Variants in CCDC149 observed in about 807,000 individuals in gnomAD.
CCDC149 encodes coiled-coil domain-containing protein 149.
Under a neutral mutation model 59.9 loss-of-function variants are expected in CCDC149, and 45 were observed. The ratio of observed to expected loss-of-function variants is 0.75; its 90% CI spans 0.59 to 0.96. CCDC149 has a LOEUF of 0.96. Among genes scored for constraint, CCDC149 ranks in the 40% least tolerant of loss-of-function variants. The pLI is 0.00. For missense variants in CCDC149, 584 were observed against 664.7 expected (o/e 0.88, Z 1.33); for synonymous variants, 245 against 260.6 (o/e 0.94, Z 0.58).
At chr4:24,972,973 G>A (rs1013662501) in intron 1 of CCDC149, among the ~76,000 whole-genome samples, 1 of 152,242 alleles carries the variant, frequency 6.6e-6, no homozygotes, top group Admixed American at 6.5e-5. Flanking sequence ...CTGTAAGGGT[G>A]GGCACCCATG....
upstream of CCDC149, among the ~76,000 whole-genome samples, chr4:24,917,718 C>G (rs912558331): frequency 6.6e-6 from 1 of 152,040 alleles, no homozygotes; most frequent in Admixed American, 6.5e-5. Context: ...CGAGATGCAG[C>G]CCACGGAAGG....
intron 1 of CCDC149, among the ~76,000 whole-genome samples, chr4:24,953,681 A>G (rs566956826): frequency 2.6e-5 from 4 of 152,330 alleles, no homozygotes; most frequent in Admixed American, 1.3e-4. Context: ...AGGAAAAAAT[A>G]ATAATCAGCA....
intron 1 of CCDC149, among the ~76,000 whole-genome samples, chr4:24,906,364 A>AATTTTATTGTATTTTTTTATTTT (rs1553859580): frequency 2.4e-5 from 1 of 42,028 alleles, no homozygotes; most frequent in Non-Finnish European, 4.8e-5. Context: ...CAGCGGAACA[A>AATTTTATTGTATTTTTTTATTTT]ATTTTATTTT....
At chr4:24,939,633 G>A (rs1722895174) in intron 1 of CCDC149, among the ~76,000 whole-genome samples, 1 of 152,046 alleles carries the variant, frequency 6.6e-6, no homozygotes. Flanking sequence ...TGGCAAAGAA[G>A]TTAAAAACGT....
At chr4:24,844,303 A>G (rs548348468) in intron 4 of CCDC149, among the ~76,000 whole-genome samples, 1 of 152,212 alleles carries the variant, frequency 6.6e-6, no homozygotes, top group South Asian at 2.1e-4. Context: ...TCTTAGATCT[A>G]TTAAATAGGA....
At chr4:24,956,583 G>A (rs548714004) in intron 1 of CCDC149, among the ~76,000 whole-genome samples, 6 of 152,046 alleles carry the variant, frequency 3.9e-5, no homozygotes, top group Non-Finnish European at 7.4e-5. Flanking sequence ...TAGCAATTGG[G>A]CCCAGTGAGC....
At chr4:24,924,637 G>A (rs979568104) in intron 1 of CCDC149, among the ~76,000 whole-genome samples, 3 of 152,196 alleles carry the variant, frequency 2.0e-5, no homozygotes, top group Admixed American at 6.5e-5. Context: ...TCATAGCACA[G>A]CTGCTTCAGG....
chr4:24,891,218 G>A (rs1007464020), intron 1 of CCDC149, among the ~76,000 whole-genome samples: 3 of 152,150 alleles, frequency 2.0e-5, no homozygotes, highest in African/African-American at 7.2e-5. Context: ...AAAGTCAGGC[G>A]GAGATTTATT....
chr4:24,908,828 T>C (rs573757365), intron 1 of CCDC149, among the ~76,000 whole-genome samples: 2 of 152,376 alleles, frequency 1.3e-5, no homozygotes, highest in South Asian at 4.1e-4. Context: ...GCTATCTAAT[T>C]AACCAAAATT....
chr4:24,852,201 C>A (rs2109181996), intron 4 of CCDC149, among the ~76,000 whole-genome samples: 1 of 151,648 alleles, frequency 6.6e-6, no homozygotes, highest in South Asian at 2.1e-4. Context: ...CAACTCCCAG[C>A]AATGATGAAA....
At chr4:24,927,810 A>G (rs1722468773) in intron 1 of CCDC149, among the ~76,000 whole-genome samples, 1 of 152,026 alleles carries the variant, frequency 6.6e-6, no homozygotes, top group African/African-American at 2.4e-5. Context: ...ATCACCCTGG[A>G]GTCCTTTAAG....
intron 4 of CCDC149, among the ~76,000 whole-genome samples, chr4:24,841,048 A>G (rs928340179): frequency 6.6e-6 from 1 of 152,184 alleles, no homozygotes; most frequent in African/African-American, 2.4e-5. Flanking sequence ...ACTCTATCAC[A>G]TCACACAACT....
At chr4:24,858,205 T>G (rs1166047539) in intron 3 of CCDC149, among the ~76,000 whole-genome samples, 1 of 152,172 alleles carries the variant, frequency 6.6e-6, no homozygotes, top group African/African-American at 2.4e-5. Context: ...TTTGTCTAAC[T>G]GTTACTGAGA....
chr4:24,884,805 T>C (rs573017924), intron 1 of CCDC149, among the ~76,000 whole-genome samples: 2 of 152,300 alleles, frequency 1.3e-5, no homozygotes, highest in South Asian at 2.1e-4. Flanking sequence ...AACAGTGTGT[T>C]GTATGCATGT....
chr4:24,833,730 A>G (rs530849561), intron 8 of CCDC149, among the ~76,000 whole-genome samples: 1 of 152,352 alleles, frequency 6.6e-6, no homozygotes, highest in East Asian at 1.9e-4. Flanking sequence ...ATTTTTTATT[A>G]TAAGTAATGT....
chr4:24,894,223 A>C (rs1720714094), intron 1 of CCDC149, among the ~76,000 whole-genome samples: 1 of 152,086 alleles, frequency 6.6e-6, no homozygotes, highest in Admixed American at 6.5e-5. Flanking sequence ...AATTACATTA[A>C]AAAATCTTCA....
intron 1 of CCDC149, among the ~76,000 whole-genome samples, chr4:24,880,631 A>G (rs1281408420): frequency 6.6e-6 from 1 of 152,256 alleles, no homozygotes; most frequent in Non-Finnish European, 1.5e-5. Context: ...AAGGTCATGA[A>G]GATCCTTCTT....
chr4:24,871,167 G>A (rs1296694098), intron 3 of CCDC149, among the ~76,000 whole-genome samples: 1 of 151,886 alleles, frequency 6.6e-6, no homozygotes, highest in Non-Finnish European at 1.5e-5. Flanking sequence ...AAGAAAGGAA[G>A]GGAGCGTATA....
chr4:24,948,797 G>A (rs1723194513), intron 1 of CCDC149, among the ~76,000 whole-genome samples: 2 of 152,140 alleles, frequency 1.3e-5, no homozygotes, highest in Admixed American at 1.3e-4. Flanking sequence ...GGGACCTGGT[G>A]GGAGGTAATT....
Sources: gnomAD v4.1 joint callset for allele counts (sites outside exome capture counted in the v4.1 genomes callset) on GRCh38, gnomAD v4.1.1 for gene constraint, MANE v1.5 for transcripts, NCBI Gene and HGNC (gene_info 2026-07-23, HGNC 2026-07-21) for gene names.